ADK: variants seen among roughly 807,000 people sequenced by gnomAD.
ADK encodes adenosine kinase.
ADK carries 24 observed loss-of-function variants against 44.7 expected under a neutral mutation model. That is an observed-to-expected ratio of 0.54 (90% CI 0.39 to 0.76). ADK has a LOEUF of 0.76. Among genes scored for constraint, ADK ranks in the 30% least tolerant of loss-of-function variants. The probability of loss-of-function intolerance (pLI) is 0.00; values close to 1 mark genes in which losing one functional copy is unlikely to be tolerated. For synonymous variants in ADK, 128 were observed against 142.6 expected (o/e 0.90, Z 0.73); for missense variants, 321 against 425.1 (o/e 0.76, Z 2.15).
intron 2 of ADK, among the ~76,000 whole-genome samples, chr10:74,210,977 C>T (rs1020926411): frequency 1.1e-4 from 16 of 152,102 alleles, no homozygotes; most frequent in Admixed American, 3.9e-4. Flanking sequence ...CTCTGCCTCC[C>T]GGGTTCAAGC....
At chr10:74,671,386 C>T (rs945057800) in intron 10 of ADK, among the ~76,000 whole-genome samples, 49 of 151,904 alleles carry the variant, frequency 3.2e-4, no homozygotes, top group East Asian at 7.7e-4. Flanking sequence ...TTAGTGGCGA[C>T]GGGGTTTCGC....
At chr10:74,604,204 C>T (rs1287105625) in intron 9 of ADK, among the ~76,000 whole-genome samples, 34 of 152,084 alleles carry the variant, frequency 2.2e-4, no homozygotes, top group Non-Finnish European at 4.4e-5. Flanking sequence ...GTAGGTTGCC[C>T]GTTCACTCTG....
At chr10:74,605,111 TG>T (rs1229223605) in intron 9 of ADK, among the ~76,000 whole-genome samples, 1 of 152,244 alleles carries the variant, frequency 6.6e-6, no homozygotes, top group African/African-American at 2.4e-5. Context: ...GAGACTTTGC[TG>T]AAGTTGCTTA....
At chr10:74,605,502 CAT>C (rs1852289473) in intron 9 of ADK, among the ~76,000 whole-genome samples, 1 of 152,120 alleles carries the variant, frequency 6.6e-6, no homozygotes, top group Admixed American at 6.6e-5. Flanking sequence ...TTGAGGTAAT[CAT>C]GTGGCTTTTG....
At chr10:74,196,424 C>A (rs11000917) in intron 1 of ADK, among the ~76,000 whole-genome samples, 18,411 of 151,990 alleles carry the variant, frequency 0.12, 1,140 homozygotes, top group Middle Eastern at 0.2. Context: ...CCTGTAATCC[C>A]AGCTACTTGG....
chr10:74,227,579 CA>C (rs1844590875), intron 3 of ADK, among the ~76,000 whole-genome samples: 1 of 152,138 alleles, frequency 6.6e-6, no homozygotes, highest in Non-Finnish European at 1.5e-5. Flanking sequence ...CACGGTGGCT[CA>C]CGCCTGTAAT....
chr10:74,488,345 A>G (rs1360311883), intron 6 of ADK, among the ~76,000 whole-genome samples: 2 of 148,488 alleles, frequency 1.3e-5, no homozygotes, highest in African/African-American at 2.5e-5. Context: ...TCTGCAACTT[A>G]TTTTCCAGTG....
chr10:74,530,814 A>G (rs186677877), intron 7 of ADK, among the ~76,000 whole-genome samples: 1 of 152,122 alleles, frequency 6.6e-6, no homozygotes, highest in Non-Finnish European at 1.5e-5. Flanking sequence ...AATCCCAGCT[A>G]CTCGGGTGGC....
chr10:74,708,170 A>AAT, intron 10 of ADK, 151 bp from the exon 11 acceptor site: 2 of 743,364 alleles, frequency 2.7e-6, no homozygotes, highest in East Asian at 3.4e-5. Flanking sequence ...AAAAAAAAAA[A>AAT]GACCTCCCTA....
At chr10:74,533,609 A>G (rs1036434428) in intron 7 of ADK, among the ~76,000 whole-genome samples, 5 of 152,250 alleles carry the variant, frequency 3.3e-5, no homozygotes, top group Admixed American at 6.5e-5. Flanking sequence ...GTAACAAACA[A>G]CTGCACGGCT....
chr10:74,253,336 G>A lies in ADK; in HGVS notation c.194+28745G>A, dbSNP rs191316742. On this transcript the variant is annotated intron_variant, in intron 3 of 10. Transcript: ENST00000539909. Reference sequence around the variant, plus strand: ...GTTTATGCAGAAATTTCTAGGGAAGGGATAGTAACTTTTGGGTCATTGGGT... The same window carrying A: ...GTTTATGCAGAAATTTCTAGGGAAGAGATAGTAACTTTTGGGTCATTGGGT... 2.2e-3 allele frequency among the ~76,000 whole-genome samples: 337 copies of A among 152,288 alleles called. 2 individuals carry two copies. Among genetic ancestry groups the A allele is most frequent in the South Asian group, 0.011 (55 of 4,822 alleles).
intron 7 of ADK, chr10:74,528,012 G>A: frequency 1.2e-6 from 1 of 833,624 alleles, no homozygotes; most frequent in East Asian, 2.4e-5. Context: ...AAAAGCGATT[G>A]AGGGAATTTG....
At chr10:74,634,910 A>G (rs1253569230) in intron 9 of ADK, among the ~76,000 whole-genome samples, 2 of 152,208 alleles carry the variant, frequency 1.3e-5, no homozygotes, top group East Asian at 1.9e-4. Context: ...ATGCCACTGC[A>G]CTCCAGCCCA....
intron 4 of ADK, among the ~76,000 whole-genome samples, chr10:74,355,867 A>T (rs1264353312): frequency 6.6e-6 from 1 of 152,128 alleles, no homozygotes; most frequent in African/African-American, 2.4e-5. Flanking sequence ...CTACTTATCC[A>T]TGTTATTTAT....
chr10:74,405,212 T>C (rs1843873242), intron 6 of ADK, among the ~76,000 whole-genome samples: 1 of 152,144 alleles, frequency 6.6e-6, no homozygotes, highest in Non-Finnish European at 1.5e-5. Flanking sequence ...CTTTTCTTAG[T>C]ACTCCATGGC....
chr10:74,490,923 C>T (rs1847458183), intron 6 of ADK, among the ~76,000 whole-genome samples: 1 of 152,022 alleles, frequency 6.6e-6, no homozygotes, highest in African/African-American at 2.4e-5. Flanking sequence ...GATTTGTACT[C>T]ATGGATCTGT....
chr10:74,495,287 T>C (rs1321720670), intron 6 of ADK, among the ~76,000 whole-genome samples: 2 of 152,008 alleles, frequency 1.3e-5, no homozygotes, highest in African/African-American at 4.8e-5. Flanking sequence ...TCTTTCTTTT[T>C]GATTTTTTTT....
intron 9 of ADK, among the ~76,000 whole-genome samples, chr10:74,647,648 G>T (rs1057014811): frequency 1.7e-4 from 26 of 152,176 alleles, no homozygotes; most frequent in African/African-American, 6.0e-4. Flanking sequence ...TAAATAACTT[G>T]TATGCAAACG....
At chr10:74,396,306 G>C (rs1232987080) in intron 5 of ADK, among the ~76,000 whole-genome samples, 1 of 152,048 alleles carries the variant, frequency 6.6e-6, no homozygotes, top group Non-Finnish European at 1.5e-5. Flanking sequence ...GACCGAAGTA[G>C]GCTGATCACT....
Sources: allele counts gnomAD v4.1 joint callset (sites outside exome capture counted in the v4.1 genomes callset), GRCh38; gene constraint gnomAD v4.1.1; transcripts MANE v1.5; gene names NCBI Gene and HGNC (gene_info 2026-07-23, HGNC 2026-07-21).